Variants in KLF8 observed in about 807,000 individuals in gnomAD.
KLF8 encodes KLF transcription factor 8.
A neutral mutation model predicts 18.2 loss-of-function variants in KLF8; 10 were observed. The observed-to-expected ratio is 0.55, with a 90% CI of 0.34 to 0.93. KLF8 has a LOEUF of 0.93. Ranked by LOEUF, KLF8 falls within the 40% of genes least tolerant of loss-of-function variation. KLF8 has a pLI of 0.02. For missense variants in KLF8, 264 were observed against 277.9 expected, an observed-to-expected ratio of 0.95 and a Z score of 0.36; for synonymous variants, 109 against 97.3, an observed-to-expected ratio of 1.12 and a Z score of -0.71.
the KLF8 span, among the ~76,000 whole-genome samples, chrX:56,044,083 G>A: frequency 2.7e-5 from 3 of 112,024 alleles, no homozygotes; most frequent in Non-Finnish European, 3.8e-5. Flanking sequence ...TTTGCTTTGA[G>A]TCTGCTTTAG....
the KLF8 span, among the ~76,000 whole-genome samples, chrX:56,137,729 G>A: frequency 9.4e-6 from 1 of 106,307 alleles, no homozygotes. Context: ...ATGTGCACAT[G>A]TACCCTAAAA....
the KLF8 span, chrX:55,962,017 A>G: frequency 8.0e-5 from 13 of 162,112 alleles, no homozygotes; most frequent in South Asian, 1.5e-3. Flanking sequence ...TCTACCAATC[A>G]TAAGCCAAGA....
the KLF8 span, among the ~76,000 whole-genome samples, chrX:56,050,486 A>T: frequency 2.7e-5 from 3 of 111,607 alleles, no homozygotes; most frequent in Non-Finnish European, 5.7e-5. Context: ...CTCATTGGTT[A>T]CAAAGAACAT....
intron 2 of KLF8, among the ~76,000 whole-genome samples, chrX:56,262,522 C>T (rs1460032534): frequency 2.7e-5 from 3 of 111,342 alleles, no homozygotes; most frequent in African/African-American, 6.5e-5. Flanking sequence ...AAAGCTTCAG[C>T]TTTTTCAGGT....
the KLF8 span, among the ~76,000 whole-genome samples, chrX:56,207,780 T>A: frequency 9.1e-6 from 1 of 110,456 alleles, no homozygotes; most frequent in Non-Finnish European, 1.9e-5. Context: ...TGCTTCCACA[T>A]TTTTGGGTAT....
At chrX:56,154,579 G>A in the KLF8 span, among the ~76,000 whole-genome samples, 1 of 112,063 alleles carries the variant, frequency 8.9e-6, no homozygotes, top group Non-Finnish European at 1.9e-5. Flanking sequence ...AAAAGCAATG[G>A]CAACAAAAGA....
chrX:55,936,553 G>A, the KLF8 span, among the ~76,000 whole-genome samples: 23 of 112,864 alleles, frequency 2.0e-4, no homozygotes, highest in East Asian at 2.8e-4. Context: ...GCAGTGCACC[G>A]TGTGTGAGCC....
At chrX:55,955,024 G>A in the KLF8 span, among the ~76,000 whole-genome samples, 237 of 111,615 alleles carry the variant, frequency 2.1e-3, 1 homozygote, top group African/African-American at 7.3e-3. Flanking sequence ...GTGCATGAGG[G>A]ATCTTTTTAA....
At chrX:55,938,589 A>G in the KLF8 span, among the ~76,000 whole-genome samples, 2 of 111,421 alleles carry the variant, frequency 1.8e-5, no homozygotes, top group African/African-American at 6.5e-5. Context: ...CAAATTGGAT[A>G]AAGAGTCAAG....
the KLF8 span, among the ~76,000 whole-genome samples, chrX:56,188,957 T>A: frequency 9.0e-6 from 1 of 111,708 alleles, no homozygotes; most frequent in Non-Finnish European, 1.9e-5. Context: ...GACATAGGCA[T>A]GGGCAAGGAC....
chrX:56,248,015 G>A (rs1197937556), intron 1 of KLF8, among the ~76,000 whole-genome samples: 1 of 111,029 alleles, frequency 9.0e-6, no homozygotes, highest in African/African-American at 3.3e-5. Flanking sequence ...CATGAGTAAT[G>A]CTTTGCACTG....
chrX:56,089,511 C>G, the KLF8 span, among the ~76,000 whole-genome samples: 1 of 111,884 alleles, frequency 8.9e-6, no homozygotes, highest in Non-Finnish European at 1.9e-5. Context: ...TTGGCTTGTA[C>G]AGAGATTATC....
At chrX:55,936,573 C>A in the KLF8 span, among the ~76,000 whole-genome samples, 2 of 112,687 alleles carry the variant, frequency 1.8e-5, no homozygotes, top group African/African-American at 6.4e-5. Context: ...CAAAGCAGGG[C>A]GAGGCATTGC....
chrX:56,099,512 G>T, the KLF8 span, among the ~76,000 whole-genome samples: 2 of 111,980 alleles, frequency 1.8e-5, no homozygotes, highest in Non-Finnish European at 3.8e-5. Flanking sequence ...AAATGATTAA[G>T]CTTAGTGAGA....
chrX:56,155,287 G>A, the KLF8 span, among the ~76,000 whole-genome samples: 1 of 111,461 alleles, frequency 9.0e-6, no homozygotes, highest in African/African-American at 3.3e-5. Flanking sequence ...AAAAAAGGAT[G>A]AGTTCATGTC....
the KLF8 span, among the ~76,000 whole-genome samples, chrX:56,063,044 T>A: frequency 5.4e-5 from 6 of 111,227 alleles, no homozygotes; most frequent in Non-Finnish European, 1.1e-4. Flanking sequence ...CTAAACTGGT[T>A]ATTCTAGTTA....
chrX:55,944,973 T>C, the KLF8 span, among the ~76,000 whole-genome samples: 1 of 111,382 alleles, frequency 9.0e-6, no homozygotes, highest in Non-Finnish European at 1.9e-5. Context: ...CATTTAGTGC[T>C]ATAAATTTCC....
chrX:56,114,196 G>T, the KLF8 span, among the ~76,000 whole-genome samples: 2 of 112,010 alleles, frequency 1.8e-5, no homozygotes, highest in East Asian at 5.6e-4. Flanking sequence ...GATCCAAACC[G>T]CCCAGTCTCC....
chrX:56,192,465 A>G, the KLF8 span, among the ~76,000 whole-genome samples: 1 of 111,768 alleles, frequency 8.9e-6, no homozygotes, highest in Non-Finnish European at 1.9e-5. Context: ...TAGAAAACAC[A>G]ATCCTAAAAT....
Sources: allele counts gnomAD v4.1 joint callset (sites outside exome capture counted in the v4.1 genomes callset), GRCh38; gene constraint gnomAD v4.1.1; transcripts MANE v1.5; gene names NCBI Gene and HGNC (gene_info 2026-07-23, HGNC 2026-07-21).